Variants in LARGE1 observed in about 807,000 individuals in gnomAD.
LARGE1 encodes LARGE xylosyl- and glucuronyltransferase 1.
A neutral mutation model predicts 87.6 loss-of-function variants in LARGE1; 43 were observed. That is an observed-to-expected ratio of 0.49 (90% CI 0.38 to 0.63). LARGE1 has a LOEUF of 0.63. LARGE1 is among the 30% of genes least tolerant of loss of function. The pLI is 0.00. For synonymous variants in LARGE1, 434 were observed against 394.6 expected (o/e 1.10, Z -1.18); for missense variants, 802 against 1,000.2 (o/e 0.80, Z 2.67).
chr22:33,184,088 CTA>C lies in LARGE1; in HGVS notation c.1731-17258_1731-17257del, dbSNP rs144013990. On this transcript the variant is annotated intron_variant, in intron 11 of 11. Coordinates refer to the LARGE1 transcript ENST00000608642. Reference sequence around the variant, plus strand: ...TAATTTGACTGTGGTAATCAGTACACTATATATATATATATCATATCTTTATG... The same window carrying C: ...TAATTTGACTGTGGTAATCAGTACACTATATATATATATCATATCTTTATG... 2.8e-4 allele frequency among the ~76,000 whole-genome samples: 29 copies of C among 105,244 alleles called. 1 individual carries two copies. The highest frequency in any genetic ancestry group is 3.3e-4 in the Non-Finnish European group (16 of 47,934). 69.0% of individuals were successfully genotyped at this position (105,244 alleles called of 152,430 possible). A position where few individuals can be genotyped will look rare whatever the true frequency, so the allele number is the denominator to read the frequency against.
chr22:33,916,225 G>T (rs1352410338), intron 1 of LARGE1, among the ~76,000 whole-genome samples: 1 of 151,888 alleles, frequency 6.6e-6, no homozygotes, highest in African/African-American at 2.4e-5. Context: ...AGGTTGCAGT[G>T]AGCTAAGATC....
At chr22:33,607,055 G>C (rs117694758) in intron 4 of LARGE1, among the ~76,000 whole-genome samples, 1,770 of 152,292 alleles carry the variant, frequency 0.012, 11 homozygotes, top group Non-Finnish European at 0.018. Flanking sequence ...GCCTAGAAGA[G>C]AGTAGGAGTT....
chr22:33,529,544 G>GA (rs1412774894), intron 6 of LARGE1, among the ~76,000 whole-genome samples: 1 of 152,216 alleles, frequency 6.6e-6, no homozygotes, highest in African/African-American at 2.4e-5. Flanking sequence ...ATGCCAAAAG[G>GA]AAAGATGACG....
chr22:33,334,948 TCC>T (rs1462676071), intron 10 of LARGE1, among the ~76,000 whole-genome samples: 1 of 152,006 alleles, frequency 6.6e-6, no homozygotes, highest in South Asian at 2.1e-4. Flanking sequence ...ACCTCGCCGA[TCC>T]CCCCAGGGGA....
chr22:33,731,223 T>C (rs1327453557), intron 2 of LARGE1, among the ~76,000 whole-genome samples: 1 of 151,602 alleles, frequency 6.6e-6, no homozygotes, highest in East Asian at 2.0e-4. Context: ...CACGATGGTC[T>C]CGATCTCCTG....
chr22:33,515,387 A>T (rs974685821), intron 6 of LARGE1, among the ~76,000 whole-genome samples: 2 of 152,188 alleles, frequency 1.3e-5, no homozygotes, highest in African/African-American at 4.8e-5. Context: ...CCCTGCAGAC[A>T]TCACATCCAT....
chr22:33,187,958 A>AAAAAAAAAG lies in LARGE1; in HGVS notation c.1731-21127_1731-21126insCTTTTTTTT, dbSNP rs1568965475. Among the ~76,000 whole-genome samples the AAAAAAAAAG allele has an allele frequency of 4.7e-5, 5 of 107,472 alleles. 1 individual carries two copies. Among genetic ancestry groups the AAAAAAAAAG allele is most frequent in the Non-Finnish European group, 7.4e-5 (4 of 54,332 alleles). The allele number at this position is 107,472 out of a possible 152,430, so 70.5% of individuals were successfully genotyped here. The stretch of plus-strand genomic sequence containing the variant: ...AAAAAAAAAAAAAAAAAAAAAAAAA[A>AAAAAAAAAG]AATCACTAAGAGGATAGATTTCAAG... On this transcript the variant is annotated intron_variant, in intron 11 of 11. Coordinates refer to the LARGE1 transcript ENST00000608642.
intron 1 of LARGE1, among the ~76,000 whole-genome samples, chr22:33,825,658 T>A (rs1036247493): frequency 1.3e-5 from 2 of 152,120 alleles, no homozygotes; most frequent in African/African-American, 2.4e-5. Flanking sequence ...TTGATTCAAT[T>A]ACCTCCCACT....
downstream of LARGE1, among the ~76,000 whole-genome samples, chr22:33,159,741 C>G (rs991182100): frequency 6.6e-6 from 1 of 151,832 alleles, no homozygotes; most frequent in Non-Finnish European, 1.5e-5. Flanking sequence ...CCCGCCACCA[C>G]GCCTGGCTAA....
At position 33,639,907 on chromosome 22, in the gene LARGE1, A is replaced by G. The variant is rs202183404; in HGVS notation, c.408+10460T>C. On this transcript the variant is annotated intron_variant, in intron 3 of 14. Transcript: ENST00000397394. ...GCAGCTATTTGAAAGACACATAATT[A>G]CCAAATGATAAGAGGGCAAAGGGAC... is the stretch of plus-strand genomic sequence containing the variant. Among the ~76,000 whole-genome samples, 5 of 152,174 alleles carry G rather than the reference A, an allele frequency of 3.3e-5. No individual in the cohort carries two copies. The East Asian group carries it at 9.6e-4, about 29-fold the overall frequency.
chr22:33,076,384 C>T, the LARGE1 span, among the ~76,000 whole-genome samples: 4 of 152,218 alleles, frequency 2.6e-5, no homozygotes, highest in African/African-American at 9.6e-5. Context: ...TAGTTCTTGG[C>T]TTTGGCTATG....
At chr22:33,236,861 C>T (rs377581895) in intron 11 of LARGE1, among the ~76,000 whole-genome samples, 57 of 152,270 alleles carry the variant, frequency 3.7e-4, no homozygotes, top group African/African-American at 1.4e-3. Flanking sequence ...GAAAGAGAGA[C>T]TTAAGTAAGC....
At chr22:33,268,486 G>A (rs1018291838), downstream of LARGE1, among the ~76,000 whole-genome samples, 64 of 141,656 alleles carry the variant, frequency 4.5e-4, no homozygotes, top group Middle Eastern at 3.9e-3. Flanking sequence ...TGGAGTGCAT[G>A]GCGCGATCTT....
the LARGE1 span, among the ~76,000 whole-genome samples, chr22:33,074,556 TC>T: frequency 6.6e-6 from 1 of 151,980 alleles, no homozygotes; most frequent in Non-Finnish European, 1.5e-5. Flanking sequence ...GTGCCTGTAG[TC>T]CCAGCTACTC....
At chr22:33,083,681 C>G in the LARGE1 span, among the ~76,000 whole-genome samples, 3 of 152,088 alleles carry the variant, frequency 2.0e-5, no homozygotes, top group Admixed American at 6.6e-5. Flanking sequence ...TTTGTGAGTT[C>G]GAAGTGTGTT....
At chr22:33,210,768 T>C (rs1924921124) in intron 11 of LARGE1, among the ~76,000 whole-genome samples, 1 of 152,236 alleles carries the variant, frequency 6.6e-6, no homozygotes, top group Admixed American at 6.5e-5. Context: ...TGGACCTCTC[T>C]TCCCTCTCTG....
At position 33,526,591 on chromosome 22, in the gene LARGE1, T is replaced by C. The variant is rs182592144; in HGVS notation, c.787+38257A>G. On this transcript the variant is annotated intron_variant, in intron 6 of 14. Transcript: ENST00000397394. The stretch of plus-strand genomic sequence containing the variant: ...TTCAGAGAGTGCAGTATCCGTGTGC[T>C]CTCACATGGCTCAGCAGAGAGCCTA... Among the ~76,000 whole-genome samples the C allele has an allele frequency of 2.1e-3, 322 of 152,356 alleles. 3 individuals carry two copies. Among genetic ancestry groups the C allele is most frequent in the African/African-American group, 7.6e-3 (315 of 41,586 alleles).
the LARGE1 span, among the ~76,000 whole-genome samples, chr22:33,100,889 G>A: frequency 6.1e-3 from 928 of 151,482 alleles, 4 homozygotes; most frequent in Non-Finnish European, 0.01. Context: ...GCCCAGGCTG[G>A]AGTGCAATGG....
intron 11 of LARGE1, among the ~76,000 whole-genome samples, chr22:33,262,115 C>G (rs759929684): frequency 6.6e-6 from 1 of 152,154 alleles, no homozygotes; most frequent in Non-Finnish European, 1.5e-5. Context: ...CCTTAAAAGA[C>G]GGGCAGGATT....
Sources: allele counts gnomAD v4.1 joint callset (sites outside exome capture counted in the v4.1 genomes callset), GRCh38; gene constraint gnomAD v4.1.1; transcripts MANE v1.5; gene names NCBI Gene and HGNC (gene_info 2026-07-23, HGNC 2026-07-21).